Variants in ANKAR observed in about 807,000 individuals in gnomAD.
ANKAR encodes the protein ankyrin and armadillo repeat containing.
Under a neutral mutation model 146.2 loss-of-function variants are expected in ANKAR, and 136 were observed. The observed-to-expected ratio is 0.93, with a 90% CI of 0.81 to 1.07. The LOEUF is 1.07. Among genes scored for constraint, ANKAR ranks in the 50% least tolerant of loss-of-function variants. ANKAR has a pLI of 0.00. For synonymous variants in ANKAR, 500 were observed against 575.8 expected (o/e 0.87, Z 1.88); for missense variants, 1,567 against 1,679.9 (o/e 0.93, Z 1.18).
chr2:189,738,530 T>C, intron 18 of ANKAR, 35 bp from the exon 19 acceptor site: 1 of 1,299,232 alleles, frequency 7.7e-7, no homozygotes, highest in Non-Finnish European at 1.1e-6. Context: ...GAGTAGAAAA[T>C]GTTCAAAGAC....
chr2:189,702,663 A>T (rs1260165171), intron 7 of ANKAR, among the ~76,000 whole-genome samples: 1 of 152,168 alleles, frequency 6.6e-6, no homozygotes, highest in Non-Finnish European at 1.5e-5. Context: ...TAAATGCCGG[A>T]CCAGAAACTG....
At chr2:189,687,642 A>T (rs2035810060) in intron 2 of ANKAR, among the ~76,000 whole-genome samples, 1 of 152,122 alleles carries the variant, frequency 6.6e-6, no homozygotes, top group South Asian at 2.1e-4. Context: ...TGTCATTTGG[A>T]TAAAGGCCAT....
chr2:189,758,031 G>A (rs750080509), intron 18 of ANKAR, among the ~76,000 whole-genome samples: 27 of 152,138 alleles, frequency 1.8e-4, no homozygotes, highest in Non-Finnish European at 3.1e-4. Context: ...TCATGGGGGC[G>A]TATTTTCCCC....
chr2:189,728,685 TAAGG>T lies in ANKAR; in HGVS notation c.3059_3062del (p.Lys1020ThrfsTer22), dbSNP rs561930070. The T allele has an allele frequency of 7.0e-4, 1,127 of 1,613,866 alleles. No individual in the cohort carries two copies. The highest frequency in any genetic ancestry group is 8.7e-4 in the Non-Finnish European group (1,031 of 1,179,858). On this transcript the variant is annotated frameshift_variant, in exon 15 of 23. Transcript: ENST00000684021. LOFTEE classifies it high-confidence loss of function. Reference sequence around the variant, plus strand: ...GAGGTGAAGCTGTCATAGCTCTAAGTAAGGACAGCAGGATGCATCAAAATCAAAT... The same window carrying T: ...GAGGTGAAGCTGTCATAGCTCTAAGTACAGCAGGATGCATCAAAATCAAAT...
At chr2:189,701,563 G>A (rs930289816) in intron 7 of ANKAR, among the ~76,000 whole-genome samples, 1 of 152,164 alleles carries the variant, frequency 6.6e-6, no homozygotes, top group Admixed American at 6.5e-5. Context: ...ATATCTTCAG[G>A]ATTAGAGATT....
chr2:189,754,044 G>A (rs749641367), intron 18 of ANKAR: 2 of 1,613,196 alleles, frequency 1.2e-6, no homozygotes, highest in South Asian at 1.1e-5. Context: ...GCTGAAGACA[G>A]GATTTGCCCC....
intron 2 of ANKAR, among the ~76,000 whole-genome samples, chr2:189,681,250 C>A (rs562262918): frequency 7.9e-5 from 12 of 152,302 alleles, no homozygotes; most frequent in African/African-American, 2.6e-4. Context: ...GTTAAAGCCA[C>A]GAGAGCCTTT....
chr2:189,720,748 G>T lies in ANKAR; in HGVS notation c.2596G>T (p.Gly866Cys). The T allele has an allele frequency of 1.3e-6, 2 of 1,516,086 alleles. No homozygotes were observed. Among genetic ancestry groups the T allele is most frequent in the Non-Finnish European group, 1.8e-6 (2 of 1,137,410 alleles). 93.9% of individuals were successfully genotyped at this position (1,516,086 alleles called of 1,614,324 possible). Residue 866 changes from glycine to cysteine, a missense_variant, in exon 12 of 23, where the codon GGC becomes TGC. By Grantham distance (159) the Gly-to-Cys change is radical. Transcript: ENST00000684021. ...NNQRAVREHK[G>C]LPYLIRFLSS... ...TCAAAGAGCTGTGAGAGAACATAAAGGCCTCCCATATCTTATCAGATTTCT... is the reference window on the plus strand; with the variant it reads ...TCAAAGAGCTGTGAGAGAACATAAATGCCTCCCATATCTTATCAGATTTCT...
intron 9 of ANKAR, among the ~76,000 whole-genome samples, chr2:189,709,410 G>A (rs898615631): frequency 6.6e-6 from 1 of 152,194 alleles, no homozygotes; most frequent in African/African-American, 2.4e-5. Context: ...AGTCCAAACC[G>A]ATTGTATATG....
intron 18 of ANKAR, among the ~76,000 whole-genome samples, chr2:189,759,744 C>CTTAT (rs144508956): frequency 4.8e-4 from 72 of 151,358 alleles, no homozygotes; most frequent in South Asian, 1.0e-3. Flanking sequence ...GTATTTTATT[C>CTTAT]TTATTTATTT....
downstream of ANKAR, chr2:189,746,658 G>GCCA (rs766350897): frequency 6.5e-7 from 1 of 1,545,154 alleles, no homozygotes; most frequent in South Asian, 1.3e-5. Flanking sequence ...GGATTCCTGA[G>GCCA]CCATCTTTTA....
intron 8 of ANKAR, 27 bp downstream of exon 8, chr2:189,705,251 T>G: frequency 1.9e-6 from 3 of 1,598,066 alleles, no homozygotes; most frequent in Non-Finnish European, 2.6e-6. Flanking sequence ...TTATATCAGG[T>G]TGAGGTTGAT....
chr2:189,676,429 TA>T, intron 1 of ANKAR, 26 bp from the exon 2 acceptor site: 1 of 1,450,998 alleles, frequency 6.9e-7, no homozygotes, highest in Non-Finnish European at 9.1e-7. Context: ...ATTTTATTGA[TA>T]ATCTTTTCCT....
chr2:189,698,731 C>T (rs2037620259), intron 7 of ANKAR, among the ~76,000 whole-genome samples: 1 of 152,122 alleles, frequency 6.6e-6, no homozygotes, highest in Non-Finnish European at 1.5e-5. Flanking sequence ...AGAGGGAGCC[C>T]GACCTCATTC....
rs2033750739 is a variant in ANKAR at position 189,676,753 on chromosome 2, C to T, written c.263C>T (p.Pro88Leu). The T allele has an allele frequency of 1.2e-6, 2 of 1,614,082 alleles. No individual in the cohort carries two copies. Among genetic ancestry groups the T allele is most frequent in the East Asian group, 4.5e-5 (2 of 44,880 alleles). ...TTCTCCACTGCAATCCTACTGACTC[C>T]CGTGGACCCTACTGCCCTCTTAGAC... ...VGFSTAILLT[P>L]VDPTALLDYR... The change falls in exon 2 of 23, where the codon CCC (proline) becomes CTC (leucine). Residue 88 changes from proline (P) to leucine (L), a missense_variant. Coordinates refer to ENST00000684021, the MANE Select transcript of ANKAR (RefSeq NM_001378068.1).
At chr2:189,694,027 G>A (rs1490966079) in intron 5 of ANKAR, among the ~76,000 whole-genome samples, 2 of 152,044 alleles carry the variant, frequency 1.3e-5, no homozygotes, top group Non-Finnish European at 2.9e-5. Flanking sequence ...GGGATTACGG[G>A]CATGAGCCAC....
In ANKAR at chr2:189,719,795, G is replaced by C; in HGVS notation, c.2448G>C (p.Lys816Asn). The change falls in exon 11 of 23, where the codon AAG becomes AAC. Residue 816 changes from lysine to asparagine, a missense_variant. By Grantham distance (94) the Lys-to-Asn change is moderately conservative (BLOSUM62 0). Transcript: ENST00000684021. The part of the protein sequence containing the change: ...ILYDIAQCEN[K>N]DVIAKYNGIP... ...ATGATATTGCTCAATGTGAAAACAAGGATGTTATTGCCAAATATGTAAGTT... is the reference window on the plus strand; with the variant it reads ...ATGATATTGCTCAATGTGAAAACAACGATGTTATTGCCAAATATGTAAGTT... The C allele has an allele frequency of 1.9e-6, 3 of 1,574,742 alleles. No individual in the cohort carries two copies. The highest frequency in any genetic ancestry group is 2.6e-6 in the Non-Finnish European group (3 of 1,150,270).
In ANKAR at chr2:189,711,064, A is replaced by C. The variant is rs756044426; in HGVS notation, c.2135A>C (p.Glu712Ala). The change falls in exon 10 of 23, where the codon GAA becomes GCA. Residue 712 changes from glutamate (E) to alanine (A), a missense_variant. Glu to Ala is a moderately radical substitution (Grantham distance 107, BLOSUM62 -1). Transcript: ENST00000684021. ...WKTLVEMLQC[E>A]SYKRRMMAVM... ...CACTTAACAGAAATGTTACAGTGTG[A>C]AAGCTATAAACGAAGGATGATGGCC... The C allele has an allele frequency of 1.4e-5, 23 of 1,613,830 alleles. No individual in the cohort carries two copies. Among genetic ancestry groups the C allele is most frequent in the Non-Finnish European group, 1.9e-5 (22 of 1,179,880 alleles).
intron 18 of ANKAR, among the ~76,000 whole-genome samples, chr2:189,758,418 C>A (rs757202688): frequency 1.3e-5 from 2 of 152,044 alleles, no homozygotes; most frequent in South Asian, 2.1e-4. Flanking sequence ...CTCACCCCCC[C>A]TCTCTCGGTC....
Sources: gnomAD v4.1 joint callset for allele counts (sites outside exome capture counted in the v4.1 genomes callset) on GRCh38, gnomAD v4.1.1 for gene constraint, MANE v1.5 for transcripts, NCBI Gene and HGNC (gene_info 2026-07-23, HGNC 2026-07-21) for gene names.